Variants in LARGE1 observed in about 807,000 individuals in gnomAD.
LARGE1 encodes LARGE xylosyl- and glucuronyltransferase 1, also known as xylosyl- and glucuronyltransferase LARGE1.
LARGE1 carries 43 observed loss-of-function variants against 87.6 expected under a neutral mutation model. The observed-to-expected ratio is 0.49, with a 90% confidence interval of 0.38 to 0.63. The LOEUF (loss-of-function observed/expected upper bound fraction) is 0.63. Ranked by LOEUF, LARGE1 falls within the 30% of genes least tolerant of loss-of-function variation. The pLI is 0.00. For synonymous variants in LARGE1, 434 were observed against 394.6 expected (o/e 1.10, Z -1.18); for missense variants, 802 against 1,000.2 (o/e 0.80, Z 2.67).
chr22:33,265,564 C>T (rs1927890784), intron 11 of LARGE1, among the ~76,000 whole-genome samples: 1 of 152,156 alleles, frequency 6.6e-6, no homozygotes, highest in Non-Finnish European at 1.5e-5. Context: ...CCCAAGCTCC[C>T]ATCACATCCT....
chr22:33,127,148 TG>T, the LARGE1 span, among the ~76,000 whole-genome samples: 2 of 152,206 alleles, frequency 1.3e-5, no homozygotes, highest in South Asian at 2.1e-4. Flanking sequence ...ATGTGGTTGC[TG>T]GATCAAACGG....
chr22:33,332,129 T>C (rs1490576147), intron 10 of LARGE1, among the ~76,000 whole-genome samples: 1 of 152,036 alleles, frequency 6.6e-6, no homozygotes, highest in Non-Finnish European at 1.5e-5. Context: ...GTGGATGATA[T>C]GGTTTGGCTG....
chr22:33,113,253 G>A, the LARGE1 span, among the ~76,000 whole-genome samples: 1 of 147,074 alleles, frequency 6.8e-6, no homozygotes, highest in Non-Finnish European at 1.5e-5. Flanking sequence ...TGTTGCCCAG[G>A]CTGGAGTGCA....
At chr22:33,109,804 GC>G in the LARGE1 span, among the ~76,000 whole-genome samples, 1 of 152,084 alleles carries the variant, frequency 6.6e-6, no homozygotes, top group Non-Finnish European at 1.5e-5. Flanking sequence ...GTTTAAAGGA[GC>G]CTGGCATCTC....
chr22:33,893,079 A>C (rs1209535732), intron 1 of LARGE1, among the ~76,000 whole-genome samples: 1 of 152,246 alleles, frequency 6.6e-6, no homozygotes, highest in Admixed American at 6.5e-5. Context: ...AAATTCTGTG[A>C]ACTTATGAAA....
intron 1 of LARGE1, among the ~76,000 whole-genome samples, chr22:33,829,568 C>A (rs2062906188): frequency 6.6e-6 from 1 of 152,100 alleles, no homozygotes; most frequent in African/African-American, 2.4e-5. Context: ...GTGAATGAAT[C>A]CACTATATTA....
the LARGE1 span, among the ~76,000 whole-genome samples, chr22:33,117,438 T>C: frequency 6.0e-3 from 99 of 16,588 alleles, no homozygotes; most frequent in African/African-American, 0.012. Context: ...TTATTAACTT[T>C]TTTTTTTTTT....
intron 3 of LARGE1, among the ~76,000 whole-genome samples, chr22:33,630,653 G>T (rs557133073): frequency 6.6e-6 from 1 of 152,108 alleles, no homozygotes; most frequent in Non-Finnish European, 1.5e-5. Context: ...CACAGAAATC[G>T]AAGTAGCTCT....
intron 1 of LARGE1, among the ~76,000 whole-genome samples, chr22:33,892,907 C>G (rs1450834842): frequency 6.6e-6 from 1 of 152,200 alleles, no homozygotes. Context: ...ACATCATGCC[C>G]TATTTCTCAA....
In LARGE1 at chr22:33,645,143, C is replaced by G. The variant is rs1036303842; in HGVS notation, c.408+5224G>C. 3.9e-5 allele frequency among the ~76,000 whole-genome samples: 6 copies of G among 152,302 alleles called. No individual in the cohort carries two copies. The South Asian group carries it at 6.2e-4, about 16-fold the overall frequency. Reference sequence around the variant, plus strand: ...GAACAAAGCTGGAGGCATTATGCTACCTGACTTCAAACTATACTACAAGGC... The same window carrying G: ...GAACAAAGCTGGAGGCATTATGCTAGCTGACTTCAAACTATACTACAAGGC... On this transcript the variant is annotated intron_variant, in intron 3 of 14. Coordinates refer to ENST00000397394, the MANE Select transcript of LARGE1 (RefSeq NM_133642.5).
intron 6 of LARGE1, among the ~76,000 whole-genome samples, chr22:33,500,965 T>C (rs1214103505): frequency 2.6e-5 from 4 of 152,030 alleles, no homozygotes; most frequent in Non-Finnish European, 5.9e-5. Flanking sequence ...ACTATCATTA[T>C]GAGACCAGTG....
intron 1 of LARGE1, among the ~76,000 whole-genome samples, chr22:33,878,129 CTTTTTTTTTT>C (rs1186663464): frequency 5.4e-4 from 24 of 44,650 alleles, no homozygotes; most frequent in Non-Finnish European, 7.7e-4. Context: ...TATTGTATTT[CTTTTTTTTTT>C]TTTTTTTTTT....
intron 4 of LARGE1, among the ~76,000 whole-genome samples, chr22:33,622,772 C>T (rs1253891087): frequency 1.3e-5 from 2 of 152,212 alleles, no homozygotes; most frequent in African/African-American, 4.8e-5. Flanking sequence ...CTGGAGTAGA[C>T]AGGGGCTCAG....
rs191676797 is a variant in LARGE1, at chr22:33,665,470, C to T, written c.107-14802G>A. On this transcript the variant is annotated intron_variant, in intron 2 of 14. Coordinates refer to ENST00000397394, the MANE Select transcript of LARGE1 (RefSeq NM_133642.5). ...TTTGCAACAGTTCAGTGATGAGAAT[C>T]GGATTTCAAATGAGGATCAAGATTA... Among the ~76,000 whole-genome samples, 37 of 152,248 alleles carry T rather than the reference C, an allele frequency of 2.4e-4. No individual in the cohort carries two copies. The East Asian group carries it at 5.4e-3, about 22-fold the overall frequency.
chr22:33,808,585 G>A (rs1012811665), intron 1 of LARGE1, among the ~76,000 whole-genome samples: 2 of 152,210 alleles, frequency 1.3e-5, no homozygotes, highest in South Asian at 2.1e-4. Flanking sequence ...CACCCTGCAC[G>A]ACGCTGGGAT....
intron 2 of LARGE1, among the ~76,000 whole-genome samples, chr22:33,744,761 T>G (rs2084016073): frequency 6.6e-6 from 1 of 152,172 alleles, no homozygotes; most frequent in Non-Finnish European, 1.5e-5. Flanking sequence ...TACAGCCAAA[T>G]GATTGTCATA....
At chr22:33,465,973 C>G (rs1399957111) in intron 6 of LARGE1, among the ~76,000 whole-genome samples, 3 of 152,164 alleles carry the variant, frequency 2.0e-5, no homozygotes, top group Non-Finnish European at 4.4e-5. Context: ...ACGTCTTCTC[C>G]CATCCAGTTC....
intron 6 of LARGE1, among the ~76,000 whole-genome samples, chr22:33,482,979 G>A (rs144466750): frequency 1.3e-5 from 2 of 152,268 alleles, no homozygotes; most frequent in Non-Finnish European, 2.9e-5. Flanking sequence ...CATGCGGGAT[G>A]GACAGGACTT....
chr22:33,836,069 T>G (rs1165608489), intron 1 of LARGE1, among the ~76,000 whole-genome samples: 6 of 152,166 alleles, frequency 3.9e-5, no homozygotes, highest in Non-Finnish European at 7.3e-5. Flanking sequence ...AGGCCACATT[T>G]CAAGAGACTG....
Sources: allele counts gnomAD v4.1 joint callset (sites outside exome capture counted in the v4.1 genomes callset), GRCh38; gene constraint gnomAD v4.1.1; transcripts MANE v1.5; gene names NCBI Gene and HGNC (gene_info 2026-07-23, HGNC 2026-07-21).